Variants in KCND2 observed in about 807,000 individuals in gnomAD.
The protein encoded by KCND2 is potassium voltage-gated channel subfamily D member 2.
In KCND2, 16 loss-of-function variants were observed where a neutral mutation model predicts 54.4. That is an observed-to-expected ratio of 0.29 (90% CI 0.20 to 0.45). The LOEUF (loss-of-function observed/expected upper bound fraction) is 0.45, where lower values mean the gene tolerates loss of function less well. KCND2 is among the 20% of genes least tolerant of loss of function. The pLI, the probability that KCND2 is intolerant of heterozygous loss-of-function variation, is 1.00. For missense variants in KCND2, 486 were observed against 824.2 expected, an observed-to-expected ratio of 0.59 and a Z score of 5.02; for synonymous variants, 317 against 310.7, an observed-to-expected ratio of 1.02 and a Z score of -0.21.
intron 1 of KCND2, among the ~76,000 whole-genome samples, chr7:120,495,192 C>T (rs1402160312): frequency 6.6e-6 from 1 of 152,000 alleles, no homozygotes; most frequent in Admixed American, 6.6e-5. Flanking sequence ...TTTATAAAAG[C>T]TAACATTTAA....
At chr7:120,561,206 C>T (rs1412378216) in intron 1 of KCND2, among the ~76,000 whole-genome samples, 5 of 152,108 alleles carry the variant, frequency 3.3e-5, no homozygotes, top group African/African-American at 9.7e-5. Context: ...AGAGCTTACT[C>T]TGCATTCAGC....
At chr7:120,610,785 A>G (rs918659037) in intron 1 of KCND2, among the ~76,000 whole-genome samples, 1 of 152,190 alleles carries the variant, frequency 6.6e-6, no homozygotes, top group Non-Finnish European at 1.5e-5. Context: ...TAAAAAGTGC[A>G]TACCTTCACA....
intron 1 of KCND2, among the ~76,000 whole-genome samples, chr7:120,554,233 G>A (rs989491287): frequency 1.3e-5 from 2 of 152,010 alleles, no homozygotes; most frequent in Admixed American, 1.3e-4. Context: ...TAAATATGAT[G>A]ATGTTCTTCC....
chr7:120,471,151 C>G (rs1163801363), intron 1 of KCND2, among the ~76,000 whole-genome samples: 1 of 152,036 alleles, frequency 6.6e-6, no homozygotes, highest in African/African-American at 2.4e-5. Context: ...TAAGGAAATT[C>G]TTGAGTGAAC....
chr7:120,374,595 A>C (rs1800810743), intron 1 of KCND2, among the ~76,000 whole-genome samples: 1 of 151,770 alleles, frequency 6.6e-6, no homozygotes, highest in Non-Finnish European at 1.5e-5. Flanking sequence ...CTTTGATCTT[A>C]ATTAAGAGAC....
chr7:120,743,310 C>A (rs570945728), intron 4 of KCND2, among the ~76,000 whole-genome samples: 2 of 152,258 alleles, frequency 1.3e-5, no homozygotes, highest in East Asian at 1.9e-4. Context: ...TCGGGTGACA[C>A]ATGATTTGTA....
At chr7:120,471,019 T>C (rs1273295996) in intron 1 of KCND2, among the ~76,000 whole-genome samples, 1 of 151,998 alleles carries the variant, frequency 6.6e-6, no homozygotes, top group Non-Finnish European at 1.5e-5. Context: ...ATATTATAAG[T>C]CAATAATGAA....
At chr7:120,638,297 T>G (rs1245054498) in intron 1 of KCND2, among the ~76,000 whole-genome samples, 2 of 152,134 alleles carry the variant, frequency 1.3e-5, no homozygotes, top group Non-Finnish European at 2.9e-5. Context: ...CCATCTGAGC[T>G]CCTACTGATT....
intron 1 of KCND2, among the ~76,000 whole-genome samples, chr7:120,413,393 T>C (rs577446421): frequency 5.8e-4 from 88 of 152,088 alleles, no homozygotes; most frequent in African/African-American, 2.1e-3. Context: ...TTCTTCTGGG[T>C]TAATTTGTTC....
rs116072397 is a variant in KCND2, at chr7:120,518,104, T to A, written c.1116-214799T>A. Among the ~76,000 whole-genome samples the A allele has an allele frequency of 9.7e-3, 1,482 of 152,212 alleles. 27 individuals are homozygous for A. Among genetic ancestry groups the A allele is most frequent in the African/African-American group, 0.034 (1,425 of 41,536 alleles). ...TCTGTGGCCATATCTCTACACAAAG[T>A]GAACATCGGGTCTGGGGAATTAAAA... On this transcript the variant is annotated intron_variant, in intron 1 of 5. Transcript: ENST00000331113.
chr7:120,342,155 TAGAG>T (rs1307534376), intron 1 of KCND2, among the ~76,000 whole-genome samples: 3 of 152,164 alleles, frequency 2.0e-5, no homozygotes, highest in Non-Finnish European at 2.9e-5. Flanking sequence ...AATTTTGTGT[TAGAG>T]AGAATTTGCA....
At chr7:120,728,037 G>A (rs186628399) in intron 1 of KCND2, among the ~76,000 whole-genome samples, 4 of 151,042 alleles carry the variant, frequency 2.6e-5, no homozygotes, top group Admixed American at 2.6e-4. Context: ...AGAAGGCTGA[G>A]GCACGAGAAT....
In KCND2 at chr7:120,729,181, T is replaced by C. The variant is rs186289391; in HGVS notation, c.1116-3722T>C. ...GAGATATATCCCATCCCTAGCAGAT[T>C]CTGTGCTCAATTACAAGTTGCAGAT... is the stretch of plus-strand genomic sequence containing the variant. On this transcript the variant is annotated intron_variant, in intron 1 of 5. Transcript: ENST00000331113. Among the ~76,000 whole-genome samples the C allele has an allele frequency of 2.4e-3, 361 of 152,314 alleles. 7 individuals are homozygous for C. Among genetic ancestry groups the C allele is most frequent in the Admixed American group, 0.011 (175 of 15,292 alleles).
intron 1 of KCND2, among the ~76,000 whole-genome samples, chr7:120,371,698 C>T (rs1351742009): frequency 6.6e-6 from 1 of 151,948 alleles, no homozygotes; most frequent in Non-Finnish European, 1.5e-5. Context: ...TTTATTTTTA[C>T]TGCATTTTTT....
chr7:120,565,142 A>G (rs1792281146), intron 1 of KCND2, among the ~76,000 whole-genome samples: 1 of 152,194 alleles, frequency 6.6e-6, no homozygotes, highest in African/African-American at 2.4e-5. Flanking sequence ...ACTGTTTGCC[A>G]AATACTGGTA....
At chr7:120,731,713 A>G (rs1321207159) in intron 1 of KCND2, among the ~76,000 whole-genome samples, 1 of 152,220 alleles carries the variant, frequency 6.6e-6, no homozygotes, top group Non-Finnish European at 1.5e-5. Flanking sequence ...AGCTATATCT[A>G]TGGCTCTGGC....
intron 1 of KCND2, among the ~76,000 whole-genome samples, chr7:120,519,603 T>A (rs1791663406): frequency 6.6e-6 from 1 of 152,186 alleles, no homozygotes; most frequent in Non-Finnish European, 1.5e-5. Flanking sequence ...GCTTCTGACC[T>A]AGAGAACAGT....
Position 120,747,715 on chromosome 7 carries a change from G to A in KCND2, c.1750G>A (p.Val584Ile). 1 of 1,612,598 alleles carries A rather than the reference G, an allele frequency of 6.2e-7. No homozygotes were observed. Among genetic ancestry groups the A allele is most frequent in the Non-Finnish European group, 8.5e-7 (1 of 1,178,994 alleles). The change falls in exon 6 of 6, where the codon GTT becomes ATT. Residue 584 changes from valine (V) to isoleucine (I), a missense_variant. By Grantham distance (29) the Val-to-Ile change is conservative. Coordinates refer to ENST00000331113, the MANE Select transcript of KCND2 (RefSeq NM_012281.3). Reference protein sequence around the residue: ...SSLNAKMEECVKLNCEQPYVT... With the variant: ...SSLNAKMEECIKLNCEQPYVT... ...TTTAAATGCCAAAATGGAAGAGTGT[G>A]TTAAACTAAACTGTGAACAACCTTA...
At chr7:120,523,871 T>C (rs991225239) in intron 1 of KCND2, among the ~76,000 whole-genome samples, 1 of 151,400 alleles carries the variant, frequency 6.6e-6, no homozygotes, top group African/African-American at 2.4e-5. Flanking sequence ...GTATAGAATG[T>C]TCAAGAAAAA....
Sources: gnomAD v4.1 joint callset for allele counts (sites outside exome capture counted in the v4.1 genomes callset) on GRCh38, gnomAD v4.1.1 for gene constraint, MANE v1.5 for transcripts, NCBI Gene and HGNC (gene_info 2026-07-23, HGNC 2026-07-21) for gene names.